RBFOX1: variants seen among roughly 807,000 people sequenced by gnomAD.
RBFOX1 encodes RNA binding protein fox-1 homolog 1.
A neutral mutation model predicts 57.7 loss-of-function variants in RBFOX1; 8 were observed. The observed-to-expected ratio is 0.14, with a 90% CI of 0.08 to 0.25. The LOEUF is 0.25. Among genes scored for constraint, RBFOX1 ranks in the 10% least tolerant of loss-of-function variants. The pLI is 1.00. For missense variants in RBFOX1, 611 were observed against 548.5 expected, an observed-to-expected ratio of 1.11 and a Z score of -1.14; for synonymous variants, 326 against 222.4, an observed-to-expected ratio of 1.47 and a Z score of -4.15.
intron 4 of RBFOX1, among the ~76,000 whole-genome samples, chr16:5,934,483 A>T (rs2059129209): frequency 6.6e-6 from 1 of 152,226 alleles, no homozygotes; most frequent in Admixed American, 6.5e-5. Flanking sequence ...GAATTACAAG[A>T]CATCAGAGTG....
At chr16:7,664,833 T>C (rs2068759084) in intron 12 of RBFOX1, 96 bp from the exon 13 acceptor site, 1 of 1,606,924 alleles carries the variant, frequency 6.2e-7, no homozygotes, top group Non-Finnish European at 8.5e-7. Flanking sequence ...GTTTTGGATC[T>C]TGTGACCAGA....
At chr16:6,152,434 G>C (rs1463364371) in intron 1 of RBFOX1, among the ~76,000 whole-genome samples, 2 of 152,136 alleles carry the variant, frequency 1.3e-5, no homozygotes, top group Non-Finnish European at 2.9e-5. Flanking sequence ...TTTACTTCAA[G>C]GTAGAAGCAG....
chr16:5,671,830 A>G (rs1480695903), intron 3 of RBFOX1, among the ~76,000 whole-genome samples: 1 of 152,218 alleles, frequency 6.6e-6, no homozygotes, highest in Non-Finnish European at 1.5e-5. Context: ...TTCAAATTAT[A>G]TCTCCATCCA....
chr16:7,391,356 C>G (rs1293207116), intron 4 of RBFOX1, among the ~76,000 whole-genome samples: 1 of 152,184 alleles, frequency 6.6e-6, no homozygotes, highest in African/African-American at 2.4e-5. Context: ...TTTCGCGTCC[C>G]AAGATCTCCA....
chr16:7,149,483 CTTTTTTT>C (rs60001454), intron 4 of RBFOX1, among the ~76,000 whole-genome samples: 1 of 122,276 alleles, frequency 8.2e-6, no homozygotes, highest in Admixed American at 8.6e-5. Flanking sequence ...TCTTTCTTTC[CTTTTTTT>C]TTTTTTTTTT....
intron 14 of RBFOX1, among the ~76,000 whole-genome samples, chr16:7,680,814 T>C (rs2074536956): frequency 6.6e-6 from 1 of 152,194 alleles, no homozygotes; most frequent in Admixed American, 6.5e-5. Flanking sequence ...TATGAAAATA[T>C]ACATATATCT....
intron 4 of RBFOX1, among the ~76,000 whole-genome samples, chr16:5,913,903 G>A (rs895047027): frequency 5.3e-5 from 8 of 152,226 alleles, no homozygotes; most frequent in Non-Finnish European, 7.3e-5. Context: ...TTACACCAAC[G>A]CTAAGAGGTG....
intron 1 of RBFOX1, among the ~76,000 whole-genome samples, chr16:6,153,049 T>TTTTG (rs57833374): frequency 6.8e-6 from 1 of 146,570 alleles, no homozygotes; most frequent in African/African-American, 2.7e-5. Flanking sequence ...TTTTTTTTTT[T>TTTTG]GTTAATTTTA....
chr16:5,563,492 C>A (rs899314060), intron 2 of RBFOX1, among the ~76,000 whole-genome samples: 1 of 152,094 alleles, frequency 6.6e-6, no homozygotes, highest in African/African-American at 2.4e-5. Flanking sequence ...ATAAAGTACA[C>A]CAAAACTAAA....
At chr16:5,923,847 G>C (rs1278454482) in intron 4 of RBFOX1, among the ~76,000 whole-genome samples, 1 of 152,000 alleles carries the variant, frequency 6.6e-6, no homozygotes, top group East Asian at 1.9e-4. Context: ...AGCCTCCAGA[G>C]CCAGTTTTTA....
At position 7,387,777 on chromosome 16, in the gene RBFOX1, A is replaced by G. The variant is rs545543963; in HGVS notation, c.28-130370A>G. The stretch of plus-strand genomic sequence containing the variant: ...AATCCCATGAACAGCAAAGCCCCTC[A>G]TCTTTTGAATGCTGGAGAAAGCTCC... On this transcript the variant is annotated intron_variant, in intron 4 of 15. Transcript: ENST00000550418. Among the ~76,000 whole-genome samples the G allele has an allele frequency of 4.6e-5, 7 of 152,298 alleles. No individual in the cohort carries two copies. The South Asian group carries it at 1.2e-3, about 27-fold the overall frequency.
chr16:5,287,240 G>A (rs1438348375), intron 1 of RBFOX1, among the ~76,000 whole-genome samples: 1 of 152,132 alleles, frequency 6.6e-6, no homozygotes, highest in Non-Finnish European at 1.5e-5. Context: ...GGATTTTGCG[G>A]TTATAGTGAG....
At chr16:6,551,788 C>A (rs534494889) in intron 2 of RBFOX1, among the ~76,000 whole-genome samples, 4 of 152,296 alleles carry the variant, frequency 2.6e-5, no homozygotes, top group Non-Finnish European at 4.4e-5. Flanking sequence ...CCAACCGGGA[C>A]GTCAGAGCTA....
chr16:5,553,677 GTGTGTATATACACATATATATGTATATA>G (rs1567223494), intron 2 of RBFOX1, among the ~76,000 whole-genome samples: 1 of 62,240 alleles, frequency 1.6e-5, no homozygotes, highest in Admixed American at 2.0e-4. Context: ...TTCTATATAT[GTGTGTATATACACATATATATGTATATA>G]TATGTGTGTA....
chr16:6,423,668 A>G (rs2093838834), intron 2 of RBFOX1, among the ~76,000 whole-genome samples: 1 of 152,178 alleles, frequency 6.6e-6, no homozygotes, highest in South Asian at 2.1e-4. Context: ...GCAGAGAAAG[A>G]CCAAGAGCAA....
chr16:5,500,144 C>A (rs1327681283), intron 2 of RBFOX1, among the ~76,000 whole-genome samples: 2 of 118,690 alleles, frequency 1.7e-5, no homozygotes, highest in African/African-American at 7.6e-5. Flanking sequence ...CTCCTTCCCT[C>A]CTTCCCTTCC....
At chr16:7,612,543 A>G (rs975323467) in intron 10 of RBFOX1, among the ~76,000 whole-genome samples, 2 of 151,732 alleles carry the variant, frequency 1.3e-5, no homozygotes, top group African/African-American at 4.8e-5. Flanking sequence ...ATGTGGAGGA[A>G]TAGGCCTCAG....
chr16:6,411,008 C>T (rs565720758), intron 2 of RBFOX1, among the ~76,000 whole-genome samples: 7 of 152,282 alleles, frequency 4.6e-5, no homozygotes, highest in Non-Finnish European at 8.8e-5. Flanking sequence ...CTTCCCTTAT[C>T]GTTCTCATTT....
intron 4 of RBFOX1, among the ~76,000 whole-genome samples, chr16:7,470,272 C>G (rs557088238): frequency 6.6e-6 from 1 of 152,312 alleles, no homozygotes; most frequent in South Asian, 2.1e-4. Flanking sequence ...ACTTCCACAT[C>G]CTTAGTGCAG....
Sources: allele counts gnomAD v4.1 joint callset (sites outside exome capture counted in the v4.1 genomes callset), GRCh38; gene constraint gnomAD v4.1.1; transcripts MANE v1.5; gene names NCBI Gene and HGNC (gene_info 2026-07-23, HGNC 2026-07-21).